NAALADL2: variants seen among roughly 807,000 people sequenced by gnomAD.
The protein encoded by NAALADL2 is N-acetylated alpha-linked acidic dipeptidase like 2.
A neutral mutation model predicts 87.2 loss-of-function variants in NAALADL2; 76 were observed. The observed-to-expected ratio is 0.87, with a 90% CI of 0.72 to 1.05. The LOEUF is 1.05. NAALADL2 is among the 50% of genes least tolerant of loss of function. NAALADL2 has a pLI of 0.00. For missense variants in NAALADL2, 1,089 were observed against 945.8 expected (o/e 1.15, Z -1.99); for synonymous variants, 354 against 331.0 (o/e 1.07, Z -0.75).
At chr3:174,646,835 A>G (rs1723838650) in intron 2 of NAALADL2, among the ~76,000 whole-genome samples, 1 of 151,508 alleles carries the variant, frequency 6.6e-6, no homozygotes, top group East Asian at 1.9e-4. Context: ...AAGTAACATG[A>G]CCTTATTTTT....
At chr3:174,993,445 A>T (rs1182137815) in intron 1 of NAALADL2, among the ~76,000 whole-genome samples, 1 of 152,052 alleles carries the variant, frequency 6.6e-6, no homozygotes, top group East Asian at 1.9e-4. Context: ...GACATTCTTT[A>T]CCCAAATAAC....
At chr3:175,718,563 C>T (rs773569296) in intron 11 of NAALADL2, 426 of 1,592,494 alleles carry the variant, frequency 2.7e-4, no homozygotes, top group Non-Finnish European at 3.6e-4. Flanking sequence ...TCTTCTAGAT[C>T]CCAGCTAACT....
At chr3:174,592,041 G>T (rs1237246971) in intron 2 of NAALADL2, among the ~76,000 whole-genome samples, 5 of 151,724 alleles carry the variant, frequency 3.3e-5, no homozygotes, top group Non-Finnish European at 7.4e-5. Context: ...ACGTGTGTGA[G>T]TTTTTTTTAA....
intron 11 of NAALADL2, among the ~76,000 whole-genome samples, chr3:175,695,406 C>T (rs1486680566): frequency 6.6e-6 from 1 of 152,140 alleles, no homozygotes; most frequent in African/African-American, 2.4e-5. Flanking sequence ...AGAATATTCT[C>T]AAACTGTAGA....
chr3:175,367,762 C>A lies in NAALADL2; in HGVS notation c.1090+43437C>A, dbSNP rs544272134. Among the ~76,000 whole-genome samples, 24 of 152,260 alleles carry A rather than the reference C, an allele frequency of 1.6e-4. 1 individual carries two copies. Among genetic ancestry groups the A allele is most frequent in the Admixed American group, 1.6e-3 (24 of 15,290 alleles). ...AGCTTAAGGAGATTTTGGGCTGAGA[C>A]AATGGGGTTTTCTAGATGTACAATC... On this transcript the variant is annotated intron_variant, in intron 5 of 13. Transcript: ENST00000454872.
chr3:175,786,490 A>C (rs542797356), intron 13 of NAALADL2, among the ~76,000 whole-genome samples: 1 of 152,088 alleles, frequency 6.6e-6, no homozygotes, highest in South Asian at 2.1e-4. Flanking sequence ...AGTTGATCGC[A>C]TCAGCTCCTG....
chr3:175,199,313 T>A (rs1739456957), intron 2 of NAALADL2, among the ~76,000 whole-genome samples: 1 of 152,116 alleles, frequency 6.6e-6, no homozygotes, highest in South Asian at 2.1e-4. Flanking sequence ...AAAAAGCAGG[T>A]TATATTCACA....
intron 11 of NAALADL2, among the ~76,000 whole-genome samples, chr3:175,714,425 A>G (rs1740958166): frequency 6.6e-6 from 1 of 152,244 alleles, no homozygotes; most frequent in African/African-American, 2.4e-5. Flanking sequence ...TCACCATTCC[A>G]ACTGGCAGGA....
chr3:175,064,690 G>C (rs1714214599), intron 1 of NAALADL2, among the ~76,000 whole-genome samples: 1 of 152,142 alleles, frequency 6.6e-6, no homozygotes. Context: ...AATCCAACTA[G>C]CAGCCAGAGT....
intron 2 of NAALADL2, among the ~76,000 whole-genome samples, chr3:174,575,909 G>T (rs1715477418): frequency 6.6e-6 from 1 of 152,088 alleles, no homozygotes; most frequent in Non-Finnish European, 1.5e-5. Context: ...TTGTTGCCCA[G>T]GCTGGAGTGC....
intron 1 of NAALADL2, among the ~76,000 whole-genome samples, chr3:175,065,441 C>T (rs887223783): frequency 6.6e-6 from 1 of 152,112 alleles, no homozygotes; most frequent in Admixed American, 6.6e-5. Context: ...AGGGGATAGT[C>T]TTTAAATTTT....
chr3:175,744,963 A>G (rs377501610), intron 12 of NAALADL2, among the ~76,000 whole-genome samples: 1 of 152,048 alleles, frequency 6.6e-6, no homozygotes, highest in Non-Finnish European at 1.5e-5. Context: ...GTGAAAAAAA[A>G]AAACTGACCT....
intron 13 of NAALADL2, among the ~76,000 whole-genome samples, chr3:175,797,794 A>G (rs771442653): frequency 5.3e-5 from 8 of 152,238 alleles, no homozygotes; most frequent in Non-Finnish European, 1.2e-4. Context: ...AGAAGCTTCC[A>G]TAAGAGTATT....
intron 3 of NAALADL2, among the ~76,000 whole-genome samples, chr3:174,808,350 G>T (rs924698475): frequency 6.6e-6 from 1 of 152,034 alleles, no homozygotes; most frequent in Non-Finnish European, 1.5e-5. Flanking sequence ...CCACTAGTGG[G>T]TTATGCCCAG....
intron 11 of NAALADL2, among the ~76,000 whole-genome samples, chr3:175,707,291 CTT>C (rs1739848370): frequency 1.3e-5 from 2 of 152,184 alleles, no homozygotes; most frequent in African/African-American, 4.8e-5. Flanking sequence ...TCCAATAAGA[CTT>C]TATTCATGAA....
chr3:174,957,628 T>G (rs1457912029), intron 1 of NAALADL2, among the ~76,000 whole-genome samples: 1 of 151,976 alleles, frequency 6.6e-6, no homozygotes, highest in Non-Finnish European at 1.5e-5. Flanking sequence ...GTTGTTGATT[T>G]CATTCCAAGA....
intron 3 of NAALADL2, among the ~76,000 whole-genome samples, chr3:174,850,219 A>G (rs929911195): frequency 6.6e-6 from 1 of 152,144 alleles, no homozygotes; most frequent in African/African-American, 2.4e-5. Flanking sequence ...TGAATATTTC[A>G]TCCTACTCTA....
chr3:174,542,517 G>A (rs1384811717), intron 1 of NAALADL2, among the ~76,000 whole-genome samples: 2 of 152,114 alleles, frequency 1.3e-5, no homozygotes. Flanking sequence ...CCATCTGGAA[G>A]ACACAAACTA....
chr3:175,069,627 A>G (rs1452862782), intron 1 of NAALADL2, among the ~76,000 whole-genome samples: 3 of 151,436 alleles, frequency 2.0e-5, no homozygotes, highest in Non-Finnish European at 4.4e-5. Flanking sequence ...ATCTAGAACT[A>G]GAAATACCAT....
Sources: allele counts gnomAD v4.1 joint callset (sites outside exome capture counted in the v4.1 genomes callset), GRCh38; gene constraint gnomAD v4.1.1; transcripts MANE v1.5; gene names NCBI Gene and HGNC (gene_info 2026-07-23, HGNC 2026-07-21).